MED15: variants seen among roughly 807,000 people sequenced by gnomAD.
MED15 encodes the protein mediator of RNA polymerase II transcription subunit 15.
In MED15, 41 loss-of-function variants were observed where a neutral mutation model predicts 118.7. The ratio of observed to expected loss-of-function variants is 0.35; its 90% CI spans 0.27 to 0.45. The LOEUF is 0.45. MED15 is among the 20% of genes least tolerant of loss of function. The pLI is 1.00. For synonymous variants in MED15, 436 were observed against 413.9 expected (o/e 1.05, Z -0.65); for missense variants, 740 against 1,025.5 (o/e 0.72, Z 3.80).
chr22:20,544,944 G>A (rs2055468737), intron 2 of MED15, among the ~76,000 whole-genome samples: 1 of 152,132 alleles, frequency 6.6e-6, no homozygotes, highest in Admixed American at 6.5e-5. Context: ...CTCCCTCTTA[G>A]GAGGATACAT....
chr22:20,508,052 A>T, intron 1 of MED15: 1 of 1,366,268 alleles, frequency 7.3e-7, no homozygotes, highest in Non-Finnish European at 9.5e-7. Context: ...TTTTTGAACC[A>T]CACTGAATAG....
At chr22:20,549,409 G>A (rs73879402) in intron 2 of MED15, among the ~76,000 whole-genome samples, 3,821 of 152,144 alleles carry the variant, frequency 0.025, 166 homozygotes, top group African/African-American at 0.087. Flanking sequence ...GCAGTTCTAG[G>A]GGAGTTGGTG....
At chr22:20,524,653 G>T (rs1042445205) in intron 1 of MED15, among the ~76,000 whole-genome samples, 1 of 152,308 alleles carries the variant, frequency 6.6e-6, no homozygotes, top group Non-Finnish European at 1.5e-5. Context: ...ACGGAGTCTA[G>T]CTCTGTCACC....
chr22:20,574,556 C>T (rs1184348082), intron 8 of MED15: 1 of 152,798 alleles, frequency 6.5e-6, no homozygotes, highest in African/African-American at 2.4e-5. Context: ...GATACCAGGA[C>T]CATCAGCCTC....
chr22:20,579,981 G>A (rs1187037582), intron 9 of MED15, among the ~76,000 whole-genome samples: 1 of 151,926 alleles, frequency 6.6e-6, no homozygotes, highest in African/African-American at 2.4e-5. Flanking sequence ...TGAGTCTTTG[G>A]GGGGCTGCTT....
intron 5 of MED15, among the ~76,000 whole-genome samples, chr22:20,561,468 C>T (rs1468567802): frequency 6.6e-6 from 1 of 151,168 alleles, no homozygotes. Context: ...TGCAGTGAAC[C>T]GAGATCACGC....
intron 1 of MED15, among the ~76,000 whole-genome samples, chr22:20,535,768 C>T (rs1359380473): frequency 7.9e-5 from 12 of 151,740 alleles, no homozygotes; most frequent in African/African-American, 2.7e-4. Context: ...ACTGTGTTAG[C>T]CAGGATGGTC....
intron 3 of MED15, chr22:20,552,686 G>A (rs2055827444): frequency 6.4e-6 from 2 of 314,814 alleles, no homozygotes; most frequent in South Asian, 5.1e-5. Context: ...GCTGGCCGTG[G>A]ACAGCCTCAG....
intron 8 of MED15, among the ~76,000 whole-genome samples, chr22:20,570,174 G>A (rs1322007731): frequency 6.6e-6 from 1 of 151,766 alleles, no homozygotes; most frequent in African/African-American, 2.4e-5. Context: ...ACAGGCGCGT[G>A]CCATCACACC....
intron 1 of MED15, among the ~76,000 whole-genome samples, chr22:20,531,027 A>G (rs1374385053): frequency 6.6e-6 from 1 of 152,142 alleles, no homozygotes; most frequent in African/African-American, 2.4e-5. Flanking sequence ...TATCATCCTC[A>G]GGGCTACCCG....
At chr22:20,508,082 C>T (rs2053933516) in intron 1 of MED15, 1 of 1,312,158 alleles carries the variant, frequency 7.6e-7, no homozygotes, top group African/African-American at 1.5e-5. Context: ...GAGAAGCAGC[C>T]GGCTGTAGTG....
intron 5 of MED15, among the ~76,000 whole-genome samples, chr22:20,557,922 C>T (rs1807730): frequency 0.052 from 7,900 of 152,186 alleles, 324 homozygotes; most frequent in Middle Eastern, 0.11. Flanking sequence ...CTGGCTAACA[C>T]GGTGAGACCC....
At position 20,566,101 on chromosome 22, in the gene MED15, G is replaced by A. The variant is rs143445681; in HGVS notation, c.691-366G>A. ...GTTGCCCAGGCTGGAGTGCAGTGGT[G>A]TGATCTCGGCTCACTGCAACCTCTG... On this transcript the variant is annotated intron_variant, in intron 6 of 17. Transcript: ENST00000263205. Among the ~76,000 whole-genome samples the A allele has an allele frequency of 6.6e-3, 973 of 148,298 alleles. 10 individuals are homozygous for A. The highest frequency in any genetic ancestry group is 0.023 in the African/African-American group (927 of 39,902).
chr22:20,529,287 A>G (rs2054769328), intron 1 of MED15, among the ~76,000 whole-genome samples: 1 of 152,082 alleles, frequency 6.6e-6, no homozygotes, highest in Non-Finnish European at 1.5e-5. Flanking sequence ...TCACTCTGTT[A>G]CCCAGGCTGG....
chr22:20,566,571 G>A lies in MED15; in HGVS notation c.795G>A (p.Gln265=). The change falls in exon 7 of 18, where the codon CAG becomes CAA. Residue 265 remains glutamine, a synonymous_variant. Coordinates refer to ENST00000263205, the MANE Select transcript of MED15 (RefSeq NM_001003891.3). ...AGCAGCAGCAGCAGCAGGCTTTGCA[G>A]GCCCAGCCACCAATTCAGCAGCCAC... ...QQQQQQQQAL[Q]AQPPIQQPPM... is the part of the protein sequence containing the mutation. The A allele has an allele frequency of 6.2e-7, 1 of 1,613,530 alleles. No homozygotes were observed. The highest frequency in any genetic ancestry group is 8.5e-7 in the Non-Finnish European group (1 of 1,179,818).
chr22:20,544,937 C>A (rs2055468272), intron 2 of MED15, among the ~76,000 whole-genome samples: 1 of 152,168 alleles, frequency 6.6e-6, no homozygotes, highest in Non-Finnish European at 1.5e-5. Flanking sequence ...CTTCTGCCTC[C>A]CTCTTAGGAG....
chr22:20,551,581 G>A, intron 3 of MED15, 94 bp downstream of exon 3: 1 of 1,209,734 alleles, frequency 8.3e-7, no homozygotes, highest in Non-Finnish European at 1.2e-6. Context: ...AGGCCGTGGT[G>A]CCTGAGTCAG....
intron 5 of MED15, among the ~76,000 whole-genome samples, chr22:20,562,247 C>CA (rs1038357121): frequency 6.6e-5 from 10 of 151,896 alleles, no homozygotes; most frequent in Non-Finnish European, 1.2e-4. Flanking sequence ...ATAAACAGAC[C>CA]AAAAAATTCA....
intron 1 of MED15, among the ~76,000 whole-genome samples, chr22:20,523,307 A>C (rs1451449341): frequency 6.6e-6 from 1 of 151,956 alleles, no homozygotes; most frequent in Non-Finnish European, 1.5e-5. Flanking sequence ...GGTGTGGATC[A>C]TGCACAATCA....
Sources: gnomAD v4.1 joint callset for allele counts (sites outside exome capture counted in the v4.1 genomes callset) on GRCh38, gnomAD v4.1.1 for gene constraint, MANE v1.5 for transcripts, NCBI Gene and HGNC (gene_info 2026-07-23, HGNC 2026-07-21) for gene names.